The following PSMB7 variants were observed in gnomAD, a reference collection of about 807,000 sequenced individuals.
PSMB7 encodes the protein proteasome subunit beta type-7.
In PSMB7, 5 loss-of-function variants were observed where a neutral mutation model predicts 28.1. The ratio of observed to expected loss-of-function variants is 0.18; its 90% CI spans 0.09 to 0.37. The LOEUF (loss-of-function observed/expected upper bound fraction) is 0.37, where lower values mean the gene tolerates loss of function less well. Ranked by LOEUF, PSMB7 falls within the 10% of genes least tolerant of loss-of-function variation. The pLI, the probability that PSMB7 is intolerant of heterozygous loss-of-function variation, is 1.00. For synonymous variants in PSMB7, 122 were observed against 123.7 expected, an observed-to-expected ratio of 0.99 and a Z score of 0.09; for missense variants, 275 against 346.2, an observed-to-expected ratio of 0.79 and a Z score of 1.63.
chr9:124,401,493 A>C (rs1442729285), intron 5 of PSMB7, among the ~76,000 whole-genome samples: 1 of 152,262 alleles, frequency 6.6e-6, no homozygotes, highest in Non-Finnish European at 1.5e-5. Flanking sequence ...CTTAATACAC[A>C]TCAGACAAAT....
intron 6 of PSMB7, among the ~76,000 whole-genome samples, chr9:124,362,684 G>T (rs1830473989): frequency 7.5e-6 from 1 of 134,020 alleles, no homozygotes; most frequent in African/African-American, 2.8e-5. Context: ...TAATAACAAT[G>T]TATTGTATTC....
At chr9:124,382,970 G>A (rs1366738856) in intron 6 of PSMB7, among the ~76,000 whole-genome samples, 1 of 152,202 alleles carries the variant, frequency 6.6e-6, no homozygotes, top group Non-Finnish European at 1.5e-5. Flanking sequence ...GATTTGAAAA[G>A]ATTAATGTGT....
chr9:124,384,589 C>CT lies in PSMB7; in HGVS notation c.570+8dup, dbSNP rs779521948. 1.2e-6 allele frequency: 2 copies of CT among 1,608,452 alleles called. No individual in the cohort carries two copies. Among genetic ancestry groups the CT allele is most frequent in the African/African-American group, 2.7e-5 (2 of 74,584 alleles). ...TTGAAAAAGAATAAAACTGCAGGGA[C>CT]TTACATACCTCCATGTCTGGCCTAA... On this transcript the variant is annotated intron_variant, in intron 6 of 7. Transcript: ENST00000259457.
chr9:124,399,646 G>A (rs766186401), intron 5 of PSMB7, among the ~76,000 whole-genome samples: 2 of 152,206 alleles, frequency 1.3e-5, no homozygotes, highest in South Asian at 2.1e-4. Flanking sequence ...AAATGAAGGC[G>A]TGACTGCAAC....
At chr9:124,386,785 T>C (rs1020362217) in intron 5 of PSMB7, among the ~76,000 whole-genome samples, 1 of 152,140 alleles carries the variant, frequency 6.6e-6, no homozygotes, top group East Asian at 1.9e-4. Flanking sequence ...TAAAAATCAC[T>C]AGCTGTTTTT....
intron 5 of PSMB7, among the ~76,000 whole-genome samples, chr9:124,400,460 T>C (rs964986022): frequency 6.6e-6 from 1 of 152,258 alleles, no homozygotes; most frequent in Non-Finnish European, 1.5e-5. Flanking sequence ...TTCCTGCCTC[T>C]GTCCGGAGAA....
chr9:124,405,505 C>T, intron 4 of PSMB7, 73 bp from the exon 5 acceptor site: 1 of 1,029,968 alleles, frequency 9.7e-7, no homozygotes, highest in Non-Finnish European at 1.5e-6. Flanking sequence ...CCAAAAGTTG[C>T]ATGAGAAGTC....
In PSMB7 at chr9:124,360,691, C is replaced by T. The variant is rs187904556; in HGVS notation, c.571-3776G>A. On this transcript the variant is annotated intron_variant, in intron 6 of 7. Coordinates refer to ENST00000259457, the MANE Select transcript of PSMB7 (RefSeq NM_002799.4). ...TGACGATTAAACACCAGCTGGGGAA[C>T]CCAGGTTCAAGGAGACATGGAGGCA... 1.0e-3 allele frequency among the ~76,000 whole-genome samples: 152 copies of T among 152,336 alleles called. 1 individual carries two copies. Among genetic ancestry groups the T allele is most frequent in the African/African-American group, 3.4e-3 (143 of 41,574 alleles).
intron 5 of PSMB7, among the ~76,000 whole-genome samples, chr9:124,397,867 A>C (rs142437063): frequency 6.6e-6 from 1 of 152,350 alleles, no homozygotes; most frequent in African/African-American, 2.4e-5. Context: ...AATAATAAGC[A>C]TGAGTTAAAA....
intron 4 of PSMB7, 39 bp from the exon 5 acceptor site, chr9:124,405,471 C>A: frequency 3.6e-6 from 5 of 1,396,012 alleles, no homozygotes; most frequent in Non-Finnish European, 5.1e-6. Context: ...AAACATGAGT[C>A]CACAAAGCAT....
At chr9:124,405,956 G>A (rs140932653) in intron 4 of PSMB7, among the ~76,000 whole-genome samples, 20 of 152,186 alleles carry the variant, frequency 1.3e-4, no homozygotes, top group African/African-American at 4.8e-4. Context: ...AAAGTGCTGG[G>A]ATTACAGGTG....
intron 6 of PSMB7, among the ~76,000 whole-genome samples, chr9:124,361,289 A>G (rs914024032): frequency 2.6e-5 from 4 of 152,218 alleles, no homozygotes; most frequent in Non-Finnish European, 4.4e-5. Flanking sequence ...CCATCACCGC[A>G]TCGCACAATG....
intron 6 of PSMB7, among the ~76,000 whole-genome samples, chr9:124,370,808 T>G (rs11793963): frequency 0.33 from 50,468 of 152,176 alleles, 10,401 homozygotes; most frequent in Non-Finnish European, 0.45. Context: ...TTTTATAGTT[T>G]AGGTTAATTT....
chr9:124,356,700 T>C lies in PSMB7; in HGVS notation c.722+64A>G, dbSNP rs542841409. 16 of 1,534,818 alleles carry C rather than the reference T, an allele frequency of 1.0e-5. No homozygotes were observed. In the African/African-American group the frequency reaches 1.8e-4, roughly 17 times the overall value. On this transcript the variant is annotated intron_variant, in intron 7 of 7. Transcript: ENST00000259457. The surrounding 1 kb of genome is among the most constrained non-coding windows in gnomAD (Gnocchi z 4.4). Reference sequence around the variant, plus strand: ...CCAGGAAAACTCCATCCAGATGCCATGGAGATACCAAGGGTGGCCACGACG... The same window carrying C: ...CCAGGAAAACTCCATCCAGATGCCACGGAGATACCAAGGGTGGCCACGACG...
At chr9:124,382,200 C>CTTTTTT (rs1164339420) in intron 6 of PSMB7, among the ~76,000 whole-genome samples, 10 of 55,962 alleles carry the variant, frequency 1.8e-4, no homozygotes, top group Non-Finnish European at 2.4e-4. Flanking sequence ...TCTCTTTTCT[C>CTTTTTT]TTTTTTTTTT....
intron 6 of PSMB7, among the ~76,000 whole-genome samples, chr9:124,368,849 T>G (rs572881569): frequency 6.6e-6 from 1 of 152,320 alleles, no homozygotes; most frequent in Admixed American, 6.5e-5. Context: ...GAGTGAGTTT[T>G]ACATCTTACA....
chr9:124,362,633 G>T (rs1830473513), intron 6 of PSMB7, among the ~76,000 whole-genome samples: 1 of 152,158 alleles, frequency 6.6e-6, no homozygotes, highest in Admixed American at 6.5e-5. Flanking sequence ...GTTAGAAGGA[G>T]TAAGTTCAAG....
chr9:124,354,872 A>G (rs1830383518), intron 7 of PSMB7, among the ~76,000 whole-genome samples: 1 of 152,154 alleles, frequency 6.6e-6, no homozygotes, highest in Non-Finnish European at 1.5e-5. Flanking sequence ...GACACACAAG[A>G]GCCTCCTCAC....
chr9:124,405,750 C>T (rs557988474), intron 4 of PSMB7, among the ~76,000 whole-genome samples: 42 of 152,248 alleles, frequency 2.8e-4, no homozygotes, highest in African/African-American at 8.7e-4. Flanking sequence ...GGTATTATCA[C>T]GGCTCACTGC....
Sources: allele counts gnomAD v4.1 joint callset (sites outside exome capture counted in the v4.1 genomes callset), GRCh38; gene constraint gnomAD v4.1.1; non-coding constraint Gnocchi (gnomAD v3.1); transcripts MANE v1.5; gene names NCBI Gene and HGNC (gene_info 2026-07-23, HGNC 2026-07-21).